The following SEMA5A variants were observed in gnomAD, a reference collection of about 807,000 sequenced individuals.
SEMA5A encodes semaphorin 5A, also known as semaphorin-5A.
In SEMA5A, 55 loss-of-function variants were observed where a neutral mutation model predicts 135.5. The ratio of observed to expected loss-of-function variants is 0.41; its 90% CI spans 0.33 to 0.51. The LOEUF (loss-of-function observed/expected upper bound fraction) is 0.51. Ranked by LOEUF, SEMA5A falls within the 20% of genes least tolerant of loss-of-function variation. The probability of loss-of-function intolerance (pLI) is 0.37; values close to 1 mark genes in which losing one functional copy is unlikely to be tolerated. For synonymous variants in SEMA5A, 580 were observed against 546.5 expected, an observed-to-expected ratio of 1.06 and a Z score of -0.85; for missense variants, 1,290 against 1,419.9, an observed-to-expected ratio of 0.91 and a Z score of 1.47.
At chr5:9,475,088 T>C (rs898526622) in intron 1 of SEMA5A, among the ~76,000 whole-genome samples, 18 of 152,212 alleles carry the variant, frequency 1.2e-4, no homozygotes, top group African/African-American at 4.1e-4. Context: ...GTTATAGACA[T>C]GCACCACCTA....
intron 2 of SEMA5A, among the ~76,000 whole-genome samples, chr5:9,437,304 A>G (rs1049831540): frequency 1.3e-5 from 2 of 151,968 alleles, no homozygotes; most frequent in African/African-American, 2.4e-5. Context: ...AGATTTCTCT[A>G]TCTGAAAGCT....
intron 11 of SEMA5A, among the ~76,000 whole-genome samples, chr5:9,171,114 A>G (rs982309026): frequency 1.3e-5 from 2 of 152,246 alleles, no homozygotes; most frequent in Non-Finnish European, 2.9e-5. Context: ...CTACACCTCC[A>G]TCAATCCTTC....
chr5:9,235,508 T>A (rs867404584), intron 6 of SEMA5A, among the ~76,000 whole-genome samples: 3 of 152,194 alleles, frequency 2.0e-5, no homozygotes, highest in Non-Finnish European at 4.4e-5. Flanking sequence ...GGGCTTCTCA[T>A]GTTCATTCAG....
chr5:9,202,402 C>A (rs1745768862), intron 8 of SEMA5A, among the ~76,000 whole-genome samples, 162 bp from the exon 9 acceptor site: 1 of 152,304 alleles, frequency 6.6e-6, no homozygotes, highest in African/African-American at 2.4e-5. Flanking sequence ...ATGATCTACA[C>A]TGTTGGGAAA....
intron 14 of SEMA5A, among the ~76,000 whole-genome samples, chr5:9,122,418 A>G (rs1740860396): frequency 6.6e-6 from 1 of 152,256 alleles, no homozygotes; most frequent in Non-Finnish European, 1.5e-5. Context: ...CATATTGTCC[A>G]AATTGTAAAT....
At chr5:9,107,001 T>C (rs945243547) in intron 16 of SEMA5A, among the ~76,000 whole-genome samples, 1 of 152,220 alleles carries the variant, frequency 6.6e-6, no homozygotes, top group Non-Finnish European at 1.5e-5. Flanking sequence ...TTTCTGAGAA[T>C]TTCCCAAGGA....
chr5:9,236,234 C>T (rs1421519925), intron 6 of SEMA5A, among the ~76,000 whole-genome samples: 1 of 152,172 alleles, frequency 6.6e-6, no homozygotes, highest in Non-Finnish European at 1.5e-5. Flanking sequence ...GCATTGATAT[C>T]CCCAGGCAAG....
chr5:9,429,661 G>A (rs1238073131), intron 2 of SEMA5A, among the ~76,000 whole-genome samples: 1 of 152,192 alleles, frequency 6.6e-6, no homozygotes. Context: ...GTAGGCCAAG[G>A]AGCAATCTTC....
At position 9,098,338 on chromosome 5, in the gene SEMA5A, C is replaced by T. The variant is rs143311005; in HGVS notation, c.2073+9802G>A. ...TCTTTTAATTTCAGTAGCAAGTGCT[C>T]GGTAGAATCAGAAGTAGACAAGGTG... On this transcript the variant is annotated intron_variant, in intron 16 of 22. Transcript: ENST00000382496. Among the ~76,000 whole-genome samples, 1,103 of 152,172 alleles carry T rather than the reference C, an allele frequency of 7.2e-3. 8 individuals are homozygous for T. The highest frequency in any genetic ancestry group is 0.01 in the Middle Eastern group (3 of 294).
chr5:9,353,082 A>G (rs1437827945), intron 3 of SEMA5A, among the ~76,000 whole-genome samples: 1 of 25,608 alleles, frequency 3.9e-5, no homozygotes, highest in Non-Finnish European at 9.8e-5. Flanking sequence ...AGGAAAGGAA[A>G]GGAAAGGAAA....
chr5:9,280,203 G>T (rs553561176), intron 5 of SEMA5A, among the ~76,000 whole-genome samples: 6 of 152,278 alleles, frequency 3.9e-5, no homozygotes, highest in African/African-American at 1.4e-4. Flanking sequence ...TACAGATTCT[G>T]ATTTTTACTT....
chr5:9,271,850 C>G (rs1579759560), intron 5 of SEMA5A, among the ~76,000 whole-genome samples: 1 of 152,298 alleles, frequency 6.6e-6, no homozygotes, highest in African/African-American at 2.4e-5. Context: ...GCACTTTTCT[C>G]ACGCTCTTCA....
chr5:9,040,483 C>A lies in SEMA5A; in HGVS notation c.*2414G>T, dbSNP rs1021819465. The A allele has an allele frequency of 6.6e-6, 1 of 152,178 alleles. No homozygotes were observed. Among genetic ancestry groups the A allele is most frequent in the Non-Finnish European group, 1.5e-5 (1 of 68,028 alleles). 9.4% of individuals were successfully genotyped at this position (152,178 alleles called of 1,614,324 possible). On this transcript the variant is annotated 3_prime_UTR_variant, in exon 23 of 23. Coordinates refer to ENST00000382496, the MANE Select transcript of SEMA5A (RefSeq NM_003966.3). ...AGTGATGGACAAACACAACTTATTCCACAGCTGGTAAAATACTTAGAATAT... is the reference window on the plus strand; with the variant it reads ...AGTGATGGACAAACACAACTTATTCAACAGCTGGTAAAATACTTAGAATAT...
intron 18 of SEMA5A, among the ~76,000 whole-genome samples, chr5:9,062,262 C>T (rs937090445): frequency 2.0e-5 from 3 of 152,126 alleles, no homozygotes; most frequent in Non-Finnish European, 2.9e-5. Context: ...CCCACTGTGG[C>T]CCGGCCTATC....
At chr5:9,471,748 C>A (rs1759486369) in intron 1 of SEMA5A, among the ~76,000 whole-genome samples, 1 of 152,072 alleles carries the variant, frequency 6.6e-6, no homozygotes, top group South Asian at 2.1e-4. Context: ...CTGCATGTAC[C>A]CCTTTTAACA....
intron 13 of SEMA5A, among the ~76,000 whole-genome samples, chr5:9,125,768 T>C (rs1319309098): frequency 6.6e-6 from 1 of 152,092 alleles, no homozygotes. Context: ...GAACCAAGCC[T>C]TGCATGACAA....
intron 5 of SEMA5A, among the ~76,000 whole-genome samples, chr5:9,264,077 A>G (rs1749549282): frequency 6.6e-6 from 1 of 152,226 alleles, no homozygotes; most frequent in Non-Finnish European, 1.5e-5. Context: ...GTCTGTGATG[A>G]AAGATATAAG....
chr5:9,326,031 T>A (rs1273278895), intron 4 of SEMA5A, among the ~76,000 whole-genome samples: 1 of 152,082 alleles, frequency 6.6e-6, no homozygotes, highest in Non-Finnish European at 1.5e-5. Context: ...CACGAAACAA[T>A]CCAAAGACAA....
intron 1 of SEMA5A, among the ~76,000 whole-genome samples, chr5:9,530,129 C>T (rs1378884891): frequency 6.6e-6 from 1 of 152,238 alleles, no homozygotes; most frequent in African/African-American, 2.4e-5. Flanking sequence ...CTCTGACTCT[C>T]TGCCTCCTCT....
Sources: gnomAD v4.1 joint callset for allele counts (sites outside exome capture counted in the v4.1 genomes callset) on GRCh38, gnomAD v4.1.1 for gene constraint, MANE v1.5 for transcripts, NCBI Gene and HGNC (gene_info 2026-07-23, HGNC 2026-07-21) for gene names.